Variants in CRB2 observed in about 807,000 individuals in gnomAD.
CRB2 encodes protein crumbs homolog 2.
CRB2 carries 85 observed loss-of-function variants against 110.9 expected under a neutral mutation model. The ratio of observed to expected loss-of-function variants is 0.77; its 90% CI spans 0.64 to 0.92. The LOEUF (loss-of-function observed/expected upper bound fraction) is 0.92. CRB2 is among the 40% of genes least tolerant of loss of function. The pLI, the probability that CRB2 is intolerant of heterozygous loss-of-function variation, is 0.00. For synonymous variants in CRB2, 907 were observed against 831.0 expected, an observed-to-expected ratio of 1.09 and a Z score of -1.57; for missense variants, 1,843 against 1,851.3, an observed-to-expected ratio of 1.00 and a Z score of 0.08.
At chr9:123,368,664 G>A in intron 6 of CRB2, 1 of 545,390 alleles carries the variant, frequency 1.8e-6, no homozygotes, top group South Asian at 4.3e-5. Context: ...TGACAGGGAG[G>A]GCAGACCTCT....
upstream of CRB2, among the ~76,000 whole-genome samples, chr9:123,355,060 A>G (rs899674018): frequency 2.0e-5 from 3 of 152,226 alleles, no homozygotes; most frequent in African/African-American, 7.2e-5. Context: ...ACAAACAGGC[A>G]TGTATTGGCA....
At chr9:123,356,851 T>G (rs1224558297) in intron 1 of CRB2, among the ~76,000 whole-genome samples, 1 of 152,058 alleles carries the variant, frequency 6.6e-6, no homozygotes, top group Admixed American at 6.5e-5. Context: ...CCGTGAGTTG[T>G]GTCCGAGGAG....
At chr9:123,367,437 C>A in intron 5 of CRB2, 80 bp downstream of exon 5, 3 of 1,007,448 alleles carry the variant, frequency 3.0e-6, no homozygotes, top group East Asian at 3.3e-5. Context: ...CCACCCCCCC[C>A]ACCCCCCCAC....
intron 4 of CRB2, among the ~76,000 whole-genome samples, chr9:123,366,793 A>G (rs1390766045): frequency 6.6e-6 from 1 of 152,074 alleles, no homozygotes; most frequent in Non-Finnish European, 1.5e-5. Context: ...TCTACTAAAA[A>G]TACAAAAATT....
At position 123,375,352 on chromosome 9, in the gene CRB2, T is replaced by C. The variant is rs2132804092; in HGVS notation, c.3633+9T>C. On this transcript the variant is annotated intron_variant, in intron 12 of 12. Transcript: ENST00000373631. ...AGTTCTGTGAAGTGGCGGTGAGTGT[T>C]GTCAGGGGTGAGGGGCCGTGGACGT... 2 of 1,576,132 alleles carry C rather than the reference T, an allele frequency of 1.3e-6. No homozygotes were observed. Among genetic ancestry groups the C allele is most frequent in the Non-Finnish European group, 1.7e-6 (2 of 1,158,042 alleles).
At chr9:123,374,009 C>T (rs1010876978) in intron 10 of CRB2, 89 bp downstream of exon 10, 42 of 1,467,582 alleles carry the variant, frequency 2.9e-5, no homozygotes, top group Non-Finnish European at 3.8e-5. Flanking sequence ...GGATGAGTCG[C>T]TTCCCTTCCC....
At chr9:123,374,306 C>T (rs2042070063) in intron 10 of CRB2, among the ~76,000 whole-genome samples, 1 of 152,158 alleles carries the variant, frequency 6.6e-6, no homozygotes, top group Admixed American at 6.5e-5. Flanking sequence ...TGACCCCTCC[C>T]TCTCCCCTCA....
At chr9:123,367,444 C>T (rs373061031) in intron 5 of CRB2, 87 bp downstream of exon 5, 5 of 1,076,624 alleles carry the variant, frequency 4.6e-6, no homozygotes, top group Non-Finnish European at 6.3e-6. Context: ...CCCCACCCCC[C>T]CACCCCACAC....
intron 12 of CRB2, among the ~76,000 whole-genome samples, chr9:123,376,398 C>A (rs961270314): frequency 6.6e-6 from 1 of 152,170 alleles, no homozygotes; most frequent in Non-Finnish European, 1.5e-5. Flanking sequence ...CTCGCAGGGA[C>A]AAGCTGTCAT....
chr9:123,373,096 C>G, intron 9 of CRB2, 38 bp from the exon 10 acceptor site: 2 of 1,435,264 alleles, frequency 1.4e-6, no homozygotes, highest in East Asian at 5.9e-5. Flanking sequence ...CTGGAGAAGG[C>G]TCCGTGGGCT....
rs908870982 is a variant in CRB2, at chr9:123,378,636, C to G, written c.*1574C>G. 6.6e-6 allele frequency: 1 copy of G among 152,054 alleles called. No individual in the cohort carries two copies. The highest frequency in any genetic ancestry group is 1.5e-5 in the Non-Finnish European group (1 of 68,066). The allele number at this position is 152,054 out of a possible 1,614,324, so 9.4% of individuals were successfully genotyped here. ...GAACTTTCTCTACAACCCTTGGGAG[C>G]GTGGGGAGGAGGCGGCTGGTTCCAG... is the stretch of plus-strand genomic sequence containing the variant. On this transcript the variant is annotated 3_prime_UTR_variant, in exon 13 of 13. Transcript: ENST00000373631.
chr9:123,370,456 C>CA lies in CRB2; in HGVS notation c.1404dup (p.Leu469ThrfsTer11). 6.2e-7 allele frequency: 1 copy of CA among 1,613,444 alleles called. No homozygotes were observed. Among genetic ancestry groups the CA allele is most frequent in the Non-Finnish European group, 8.5e-7 (1 of 1,180,018 alleles). On this transcript the variant is annotated frameshift_variant, in exon 7 of 13. Coordinates refer to ENST00000373631, the MANE Select transcript of CRB2 (RefSeq NM_173689.7). LOFTEE classifies it high-confidence loss of function. ...GGTCTGGCACTGAGGTTTCGCACCACACTGCCCGCTGGGACCTTGGCCACT... is the reference window on the plus strand; with the variant it reads ...GGTCTGGCACTGAGGTTTCGCACCACAACTGCCCGCTGGGACCTTGGCCACT...
intron 1 of CRB2, among the ~76,000 whole-genome samples, chr9:123,359,839 T>C (rs911369466): frequency 6.6e-6 from 1 of 152,128 alleles, no homozygotes; most frequent in African/African-American, 2.4e-5. Context: ...GAGTGAGGCC[T>C]GAGACACAGT....
chr9:123,375,497 C>T (rs2042089735), intron 12 of CRB2, among the ~76,000 whole-genome samples, 154 bp downstream of exon 12: 1 of 152,124 alleles, frequency 6.6e-6, no homozygotes, highest in African/African-American at 2.4e-5. Context: ...CTTCCACACC[C>T]CCCACACAAG....
chr9:123,374,606 C>G lies in CRB2; in HGVS notation c.3417C>G (p.Ser1139Arg), dbSNP rs375028496. 1 of 1,613,526 alleles carries G rather than the reference C, an allele frequency of 6.2e-7. No homozygotes were observed. The highest frequency in any genetic ancestry group is 1.7e-5 in the Admixed American group (1 of 60,016). The part of the protein sequence containing the change: ...CRLPVPSKEC[S>R]LNVTCLDGSP... ...TGCCTGTCCCATCCAAGGAGTGCAG[C>G]CTGAATGTCACCTGCCTCGATGGCA... is the stretch of plus-strand genomic sequence containing the variant. Residue 1139 changes from serine (S) to arginine (R), a missense_variant, in exon 11 of 13, where the codon AGC becomes AGG. Coordinates refer to ENST00000373631, the MANE Select transcript of CRB2 (RefSeq NM_173689.7).
chr9:123,362,763 C>A lies in CRB2; in HGVS notation c.95-102C>A. The A allele has an allele frequency of 7.9e-6, 9 of 1,136,392 alleles. No homozygotes were observed. The South Asian group carries it at 1.2e-4, about 15-fold the overall frequency. The allele number at this position is 1,136,392 out of a possible 1,614,324, so 70.4% of individuals were successfully genotyped here. A position where few individuals can be genotyped will look rare whatever the true frequency, so the allele number is the denominator to read the frequency against. On this transcript the variant is annotated intron_variant, in intron 1 of 12. Coordinates refer to ENST00000373631, the MANE Select transcript of CRB2 (RefSeq NM_173689.7). ...TCTGTCCATACTGTGCATGCAGAGACCCACGTTGCTTTTGGGGTCTGGGGT... is the reference window on the plus strand; with the variant it reads ...TCTGTCCATACTGTGCATGCAGAGAACCACGTTGCTTTTGGGGTCTGGGGT...
chr9:123,371,432 C>A lies in CRB2; in HGVS notation c.2290C>A (p.Arg764=). 5.0e-6 allele frequency: 8 copies of A among 1,611,870 alleles called. No homozygotes were observed. The highest frequency in any genetic ancestry group is 6.8e-6 in the Non-Finnish European group (8 of 1,179,526). Residue 764 remains arginine (R), a synonymous_variant, in exon 8 of 13, where the codon CGA becomes AGA. Transcript: ENST00000373631. ...CAGCCAGCCCTGGGGTGGGCCCTTC[C>A]GAGGCTGCCTCCAGGACCTGCGACT... ...ADSQPWGGPF[R]GCLQDLRLDG...
upstream of CRB2, among the ~76,000 whole-genome samples, chr9:123,354,807 C>T (rs1480098908): frequency 1.3e-5 from 2 of 152,144 alleles, no homozygotes; most frequent in Admixed American, 1.3e-4. Flanking sequence ...TTTTGGGTTC[C>T]CTCCTTTGGT....
At position 123,373,184 on chromosome 9, in the gene CRB2, C is replaced by A; in HGVS notation, c.2653C>A (p.His885Asn). ...GGGTCCCCCCGCCGCGTTCAGCGGG[C>A]ACAACGCGTCGTCAGGGCGCTTGCT... is the stretch of plus-strand genomic sequence containing the variant. ...REGPPAAFSGHNASSGRLLGG... is the reference protein window; with the variant it reads ...REGPPAAFSGNNASSGRLLGG... The change falls in exon 10 of 13, where the codon CAC becomes AAC. Residue 885 changes from histidine (H) to asparagine (N), a missense_variant. Coordinates refer to ENST00000373631, the MANE Select transcript of CRB2 (RefSeq NM_173689.7). The A allele has an allele frequency of 6.6e-7, 1 of 1,515,114 alleles. No individual in the cohort carries two copies. The highest frequency in any genetic ancestry group is 2.0e-5 in the Admixed American group (1 of 49,108). The allele number at this position is 1,515,114 out of a possible 1,614,324, so 93.9% of individuals were successfully genotyped here.
Sources: allele counts gnomAD v4.1 joint callset (sites outside exome capture counted in the v4.1 genomes callset), GRCh38; gene constraint gnomAD v4.1.1; transcripts MANE v1.5; gene names NCBI Gene and HGNC (gene_info 2026-07-23, HGNC 2026-07-21).